GNL2: variants seen among roughly 807,000 people sequenced by gnomAD.
GNL2 encodes the protein nucleolar GTP-binding protein 2.
Under a neutral mutation model 92.3 loss-of-function variants are expected in GNL2, and 51 were observed. The observed-to-expected ratio is 0.55, with a 90% CI of 0.44 to 0.70. The LOEUF is 0.70. GNL2 is among the 30% of genes least tolerant of loss of function. The pLI is 0.00. For missense variants in GNL2, 844 were observed against 895.6 expected (o/e 0.94, Z 0.74); for synonymous variants, 283 against 300.6 (o/e 0.94, Z 0.61).
Position 37,587,300 on chromosome 1 carries a change from A to G in GNL2, c.569+11T>C. On this transcript the variant is annotated intron_variant, in intron 5 of 15. Coordinates refer to ENST00000373062, the MANE Select transcript of GNL2 (RefSeq NM_013285.3). The stretch of plus-strand genomic sequence containing the variant: ...AAAAACAAAAACAAAGAAGCAAAAA[A>G]AAAAATGTACCTCACACCAGTGTCT... The G allele has an allele frequency of 6.5e-7, 1 of 1,545,828 alleles. No homozygotes were observed. Among genetic ancestry groups the G allele is most frequent in the Non-Finnish European group, 8.7e-7 (1 of 1,149,458 alleles).
chr1:37,572,754 C>T, intron 12 of GNL2, among the ~76,000 whole-genome samples: 1 of 152,260 alleles, frequency 6.6e-6, no homozygotes, highest in East Asian at 1.9e-4. Context: ...AATTATCAAA[C>T]CCCAGAACCC....
chr1:37,569,118 C>G lies in GNL2; in HGVS notation c.1601G>C (p.Gly534Ala). Residue 534 changes from glycine (G) to alanine (A), a missense_variant, in exon 13 of 16, where the codon GGT (glycine) becomes GCT (alanine). Physicochemically the swap from Gly to Ala is moderately conservative, Grantham distance 60. Transcript: ENST00000373062. ...QILTRVRQNF[G>A]KINVVPQFSG... Reference sequence around the variant, plus strand: ...AAACTGAGGCACCACGTTGATTTTACCAAAGTTCTGCCGAACTCGTGTGAG... The same window carrying G: ...AAACTGAGGCACCACGTTGATTTTAGCAAAGTTCTGCCGAACTCGTGTGAG... 1 of 1,614,172 alleles carries G rather than the reference C, an allele frequency of 6.2e-7. No homozygotes were observed. The highest frequency in any genetic ancestry group is 8.5e-7 in the Non-Finnish European group (1 of 1,180,040).
chr1:37,569,410 A>G, intron 12 of GNL2, 108 bp from the exon 13 acceptor site: 1 of 727,918 alleles, frequency 1.4e-6, no homozygotes, highest in Non-Finnish European at 2.2e-6. Context: ...GACTAAGGGA[A>G]GGTATTGAAA....
At chr1:37,584,246 C>T (rs866990118) in intron 5 of GNL2, among the ~76,000 whole-genome samples, 1 of 151,748 alleles carries the variant, frequency 6.6e-6, no homozygotes, top group Non-Finnish European at 1.5e-5. Flanking sequence ...CCCAGGAGTT[C>T]GAGACCAGCC....
intron 1 of GNL2, 117 bp downstream of exon 1, chr1:37,595,642 C>T: frequency 1.2e-6 from 1 of 842,142 alleles, no homozygotes; most frequent in Non-Finnish European, 2.0e-6. Flanking sequence ...AGCCACCCCG[C>T]TCGTAGTCAT....
At chr1:37,577,312 AC>A (rs1643693957) in intron 8 of GNL2, among the ~76,000 whole-genome samples, 2 of 152,146 alleles carry the variant, frequency 1.3e-5, no homozygotes, top group Non-Finnish European at 2.9e-5. Flanking sequence ...AAAAAAAGCA[AC>A]CTTGAAAGTT....
At chr1:37,584,472 AAAAAAG>A (rs1345346645) in intron 5 of GNL2, among the ~76,000 whole-genome samples, 3 of 131,048 alleles carry the variant, frequency 2.3e-5, no homozygotes, top group South Asian at 2.4e-4. Context: ...AAAAAAAAAA[AAAAAAG>A]AAGAAGAAAA....
In GNL2 at chr1:37,574,806, A is replaced by C. The variant is rs1295916594; in HGVS notation, c.1161T>G (p.Ile387Met). The C allele has an allele frequency of 6.2e-7, 1 of 1,610,240 alleles. No homozygotes were observed. The highest frequency in any genetic ancestry group is 1.3e-5 in the African/African-American group (1 of 74,828). Residue 387 changes from isoleucine to methionine, a missense_variant, in exon 11 of 16, where the codon ATT (isoleucine) becomes ATG (methionine). Physicochemically the swap from Ile to Met is conservative, Grantham distance 10. Transcript: ENST00000373062. Reference protein sequence around the residue: ...VLKGVVQVEKIKSPEDHIGAV... With the variant: ...VLKGVVQVEKMKSPEDHIGAV... Reference sequence around the variant, plus strand: ...CACCAATGTGGTCTTCAGGACTCTTAATTTTTTCTACTTGAACCTAAATGT... The same window carrying C: ...CACCAATGTGGTCTTCAGGACTCTTCATTTTTTCTACTTGAACCTAAATGT...
Position 37,569,066 on chromosome 1 carries a change from C to T in GNL2, c.1653G>A (p.Glu551=), listed in dbSNP as rs1643554628. 6.2e-7 allele frequency: 1 copy of T among 1,614,174 alleles called. No homozygotes were observed. The part of the protein sequence containing the change: ...QFSGDDLVPV[E]VSDLEEELES... ...CAAGCTCTTCCTCAAGATCTGACAC[C>T]TCCACAGGAACCAGGTCATCCCCAG... Residue 551 remains glutamate, a synonymous_variant, in exon 13 of 16, where the codon GAG becomes GAA. Transcript: ENST00000373062.
intron 13 of GNL2, 61 bp downstream of exon 13, chr1:37,568,790 C>T (rs1570046817): frequency 8.0e-7 from 1 of 1,256,478 alleles, no homozygotes; most frequent in East Asian, 2.3e-5. Flanking sequence ...CTCTGGTACT[C>T]ATGGCAAATT....
In GNL2 at chr1:37,583,923, G is replaced by A; in HGVS notation, c.580C>T (p.Gln194Ter). ...TEDTGVRNEAQEEIYKKGQSK... is the reference protein window; with the variant it reads ...TEDTGVRNEA ...TGTCCCTTTTTATAGATCTCTTCTT[G>A]AGCTTCATTTCTAAATAAGAAAGCA... is the stretch of plus-strand genomic sequence containing the variant. The change falls in exon 6 of 16, where the codon CAA becomes TAA. Residue 194 changes from glutamine (Q) to a stop codon, truncating the protein, a stop_gained. Transcript: ENST00000373062. LOFTEE classifies it high-confidence loss of function. 6.4e-7 allele frequency: 1 copy of A among 1,570,918 alleles called. No individual in the cohort carries two copies. Among genetic ancestry groups the A allele is most frequent in the Non-Finnish European group, 8.8e-7 (1 of 1,140,392 alleles).
At chr1:37,594,075 T>G in intron 1 of GNL2, 1 of 507,304 alleles carries the variant, frequency 2.0e-6, no homozygotes, top group South Asian at 2.7e-5. Flanking sequence ...TTGAGAAGAA[T>G]AGCTAATATT....
At chr1:37,595,673 T>C in intron 1 of GNL2, 86 bp downstream of exon 1, 1 of 1,137,092 alleles carries the variant, frequency 8.8e-7, no homozygotes, top group South Asian at 1.3e-5. Flanking sequence ...GCCACTCGAG[T>C]AACCCTCCTT....
chr1:37,587,717 G>A (rs1259926060), intron 4 of GNL2, among the ~76,000 whole-genome samples: 1 of 152,168 alleles, frequency 6.6e-6, no homozygotes, highest in Non-Finnish European at 1.5e-5. Context: ...AGCTTCCTTG[G>A]AGAAATACAA....
rs966109212 is a variant in GNL2 at position 37,568,760 on chromosome 1, A to T, written c.1868+91T>A. ...CCCAACCGAACAAACAAATGGCAATAACCCCATGTAAAAATATGGCTCTGG... is the reference window on the plus strand; with the variant it reads ...CCCAACCGAACAAACAAATGGCAATTACCCCATGTAAAAATATGGCTCTGG... On this transcript the variant is annotated intron_variant, in intron 13 of 15. Transcript: ENST00000373062. 29 of 866,322 alleles carry T rather than the reference A, an allele frequency of 3.3e-5. No homozygotes were observed. In the South Asian group the frequency reaches 4.5e-4, roughly 13 times the overall value. The allele number at this position is 866,322 out of a possible 1,614,324, so 53.7% of individuals were successfully genotyped here.
At chr1:37,582,138 A>G (rs1457270617) in intron 8 of GNL2, 85 bp downstream of exon 8, 1 of 879,468 alleles carries the variant, frequency 1.1e-6, no homozygotes, top group African/African-American at 1.7e-5. Flanking sequence ...GAAGTTGGCA[A>G]CTTTCTGCTA....
In GNL2 at chr1:37,590,780, T is replaced by G. The variant is rs377586674; in HGVS notation, c.310A>C (p.Lys104Gln). 3 of 1,604,460 alleles carry G rather than the reference T, an allele frequency of 1.9e-6. No individual in the cohort carries two copies. The Admixed American group carries it at 5.0e-5, about 27-fold the overall frequency. ...TTCATGACAACTTTGTATGGATCCT[T>G]CATAACTGTATCCATTTCCTCTTGA... The part of the protein sequence containing the change: ...KFQEEMDTVM[K>Q]DPYKVVMKQS... Residue 104 changes from lysine (K) to glutamine (Q), a missense_variant, in exon 4 of 16, where the codon AAG becomes CAG. Transcript: ENST00000373062.
At chr1:37,580,074 G>A (rs1183839860) in intron 8 of GNL2, among the ~76,000 whole-genome samples, 2 of 152,080 alleles carry the variant, frequency 1.3e-5, no homozygotes, top group East Asian at 3.8e-4. Context: ...AGCAATAAAA[G>A]GCCCACTTCA....
intron 3 of GNL2, among the ~76,000 whole-genome samples, chr1:37,591,475 C>T (rs550786762): frequency 6.6e-6 from 1 of 150,546 alleles, no homozygotes; most frequent in African/African-American, 2.4e-5. Context: ...TTGCTAGGCG[C>T]TATTCTAAGC....
Sources: allele counts gnomAD v4.1 joint callset (sites outside exome capture counted in the v4.1 genomes callset), GRCh38; gene constraint gnomAD v4.1.1; transcripts MANE v1.5; gene names NCBI Gene and HGNC (gene_info 2026-07-23, HGNC 2026-07-21).